The following ZNF713 variants were observed in gnomAD, a reference collection of about 807,000 sequenced individuals.
ZNF713 encodes the protein zinc finger protein 713.
ZNF713 carries 21 observed loss-of-function variants against 28.7 expected under a neutral mutation model. The observed-to-expected ratio is 0.73, with a 90% CI of 0.52 to 1.05. ZNF713 has a LOEUF of 1.05. Among genes scored for constraint, ZNF713 ranks in the 50% least tolerant of loss-of-function variants. The probability of loss-of-function intolerance (pLI) is 0.00; values close to 1 mark genes in which losing one functional copy is unlikely to be tolerated. For synonymous variants in ZNF713, 167 were observed against 178.0 expected (o/e 0.94, Z 0.49); for missense variants, 458 against 532.4 (o/e 0.86, Z 1.37).
intron 2 of ZNF713, among the ~76,000 whole-genome samples, chr7:55,908,827 G>A (rs897167607): frequency 6.6e-6 from 1 of 152,036 alleles, no homozygotes; most frequent in Admixed American, 6.6e-5. Context: ...GTTTTTCCTA[G>A]GTTTTCTTCC....
intron 1 of ZNF713, among the ~76,000 whole-genome samples, chr7:55,892,186 GA>G (rs1379740815): frequency 6.7e-6 from 1 of 149,824 alleles, no homozygotes; most frequent in Non-Finnish European, 1.5e-5. Flanking sequence ...GCTGAGGCTG[GA>G]GAATGGCGTG....
intron 1 of ZNF713, among the ~76,000 whole-genome samples, chr7:55,903,769 A>T (rs1009113547): frequency 6.6e-6 from 1 of 151,430 alleles, no homozygotes; most frequent in African/African-American, 2.4e-5. Context: ...CTGAAAAAGG[A>T]GTAGATATCA....
chr7:55,914,587 C>G (rs1468742005), intron 4 of ZNF713, among the ~76,000 whole-genome samples: 1 of 152,124 alleles, frequency 6.6e-6, no homozygotes, highest in Non-Finnish European at 1.5e-5. Flanking sequence ...ACAAATACAA[C>G]AGGTGCTGGG....
chr7:55,919,918 A>T (rs1037943150), intron 4 of ZNF713, among the ~76,000 whole-genome samples: 2 of 151,868 alleles, frequency 1.3e-5, no homozygotes, highest in African/African-American at 4.8e-5. Flanking sequence ...AGAACGTGCA[A>T]GTTTGTTACA....
At chr7:55,915,202 G>A (rs1372920534) in intron 4 of ZNF713, among the ~76,000 whole-genome samples, 2 of 152,186 alleles carry the variant, frequency 1.3e-5, no homozygotes, top group African/African-American at 4.8e-5. Flanking sequence ...GAAATAAGTG[G>A]CATGTCTGCT....
At position 55,938,966 on chromosome 7, in the gene ZNF713, T is replaced by C. The variant is rs769294693; in HGVS notation, c.308-16T>C. The stretch of plus-strand genomic sequence containing the variant: ...AGAATATTGGAAAGTATTTGTATGT[T>C]CTGAATTTCTTTTAGATGGAGAAAA... On this transcript the variant is annotated splice_polypyrimidine_tract_variant and intron_variant, in intron 6 of 6. Coordinates refer to ENST00000429591, the MANE Select transcript of ZNF713 (RefSeq NM_182633.3). 6.4e-7 allele frequency: 1 copy of C among 1,555,654 alleles called. No homozygotes were observed. The highest frequency in any genetic ancestry group is 8.7e-7 in the Non-Finnish European group (1 of 1,153,560).
chr7:55,932,524 C>CA (rs34793484), intron 6 of ZNF713, among the ~76,000 whole-genome samples: 4,832 of 120,650 alleles, frequency 0.04, 115 homozygotes, highest in African/African-American at 0.061. Context: ...GACCCTGTCT[C>CA]AAAAAAAAAA....
In ZNF713 at chr7:55,932,747, A is replaced by G. The variant is rs113161240; in HGVS notation, c.308-6235A>G. Among the ~76,000 whole-genome samples, 1,081 of 147,946 alleles carry G rather than the reference A, an allele frequency of 7.3e-3. 12 individuals carry two copies. The highest frequency in any genetic ancestry group is 0.025 in the African/African-American group (1,002 of 40,238). ...AAAATACAAAAAATTAGCCGGGCGCAGTGGCGGGCGCCTGTAGTCCCAGCT... is the reference window on the plus strand; with the variant it reads ...AAAATACAAAAAATTAGCCGGGCGCGGTGGCGGGCGCCTGTAGTCCCAGCT... On this transcript the variant is annotated intron_variant, in intron 6 of 6. Transcript: ENST00000429591.
At chr7:55,905,176 T>G (rs1182911855) in intron 1 of ZNF713, among the ~76,000 whole-genome samples, 1 of 152,076 alleles carries the variant, frequency 6.6e-6, no homozygotes, top group Non-Finnish European at 1.5e-5. Flanking sequence ...TGAAAAACAT[T>G]GAGGTTGAAG....
intron 1 of ZNF713, among the ~76,000 whole-genome samples, chr7:55,895,451 C>CTTTTTTTTTTTTTTTTT (rs55972416): frequency 1.2e-5 from 1 of 82,376 alleles, no homozygotes. Flanking sequence ...CTGTTATACT[C>CTTTTTTTTTTTTTTTTT]TTTTTTTTTT....
Position 55,940,178 on chromosome 7 carries a change from A to C in ZNF713, c.*172A>C, listed in dbSNP as rs1014240220. 7 of 1,212,286 alleles carry C rather than the reference A, an allele frequency of 5.8e-6. No individual in the cohort carries two copies. The highest frequency in any genetic ancestry group is 7.6e-6 in the Non-Finnish European group (7 of 915,490). The allele number at this position is 1,212,286 out of a possible 1,614,324, so 75.1% of individuals were successfully genotyped here. On this transcript the variant is annotated 3_prime_UTR_variant, in exon 7 of 7. Transcript: ENST00000429591. ...CACTCTGTCACCCAGGCTGAAGTGC[A>C]GTGGTACAATCTTGGCTCACTGCAA...
At chr7:55,914,639 A>G (rs1785847836) in intron 4 of ZNF713, among the ~76,000 whole-genome samples, 1 of 152,210 alleles carries the variant, frequency 6.6e-6, no homozygotes, top group Non-Finnish European at 1.5e-5. Context: ...ATGAGGGAAG[A>G]CTTCATGAAA....
chr7:55,901,846 T>G (rs1420891676), intron 1 of ZNF713, among the ~76,000 whole-genome samples: 1 of 152,248 alleles, frequency 6.6e-6, no homozygotes, highest in Non-Finnish European at 1.5e-5. Flanking sequence ...AACCTTTGTA[T>G]CACTTACTAA....
At chr7:55,925,937 G>C (rs1786086931) in intron 6 of ZNF713, among the ~76,000 whole-genome samples, 1 of 152,126 alleles carries the variant, frequency 6.6e-6, no homozygotes, top group South Asian at 2.1e-4. Context: ...CACCTATGCT[G>C]CCATCTGTAG....
At chr7:55,892,054 C>T (rs966882916) in intron 1 of ZNF713, among the ~76,000 whole-genome samples, 6 of 151,632 alleles carry the variant, frequency 4.0e-5, no homozygotes, top group Admixed American at 6.6e-5. Context: ...CCTAGGCAGG[C>T]GGATCACGAG....
intron 4 of ZNF713, 86 bp downstream of exon 4, chr7:55,912,809 T>G: frequency 9.1e-7 from 1 of 1,100,892 alleles, no homozygotes; most frequent in Non-Finnish European, 1.4e-6. Context: ...AAGTGCTGAG[T>G]CACAAAAATC....
At chr7:55,897,920 A>T (rs573619488) in intron 1 of ZNF713, among the ~76,000 whole-genome samples, 4 of 152,292 alleles carry the variant, frequency 2.6e-5, no homozygotes, top group Admixed American at 6.5e-5. Flanking sequence ...TTTGCTATTC[A>T]TAACCAATGA....
chr7:55,926,006 T>C (rs761515278), intron 6 of ZNF713, among the ~76,000 whole-genome samples: 2 of 152,052 alleles, frequency 1.3e-5, no homozygotes, highest in Admixed American at 6.6e-5. Flanking sequence ...AAAAAATAAC[T>C]GCTAATTTAG....
At position 55,939,038 on chromosome 7, in the gene ZNF713, G is replaced by A; in HGVS notation, c.364G>A (p.Glu122Lys). The change falls in exon 7 of 7, where the codon GAA (glutamate) becomes AAA (lysine). Residue 122 changes from glutamate to lysine, a missense_variant. Transcript: ENST00000429591. ...AACCACAAGCCAGAATATTTCTGATGAAAATCAAACCCATGAGATGATAAT... is the reference window on the plus strand; with the variant it reads ...AACCACAAGCCAGAATATTTCTGATAAAAATCAAACCCATGAGATGATAAT... ...KSTTSQNISD[E>K]NQTHEMIMER... is the part of the protein sequence containing the mutation. 4 of 1,606,938 alleles carry A rather than the reference G, an allele frequency of 2.5e-6. No homozygotes were observed. Among genetic ancestry groups the A allele is most frequent in the Non-Finnish European group, 3.4e-6 (4 of 1,177,164 alleles).
Sources: allele counts gnomAD v4.1 joint callset (sites outside exome capture counted in the v4.1 genomes callset), GRCh38; gene constraint gnomAD v4.1.1; transcripts MANE v1.5; gene names NCBI Gene and HGNC (gene_info 2026-07-23, HGNC 2026-07-21).